Variants in CD81 observed in about 807,000 individuals in gnomAD.
CD81 encodes CD81 molecule, also known as CD81 antigen.
A neutral mutation model predicts 30.1 loss-of-function variants in CD81; 10 were observed. The observed-to-expected ratio is 0.33, with a 90% CI of 0.21 to 0.56. CD81 has a LOEUF of 0.56. Ranked by LOEUF, CD81 falls within the 20% of genes least tolerant of loss-of-function variation. The pLI is 0.89. For synonymous variants in CD81, 147 were observed against 126.4 expected, an observed-to-expected ratio of 1.16 and a Z score of -1.10; for missense variants, 263 against 308.7, an observed-to-expected ratio of 0.85 and a Z score of 1.11.
intron 4 of CD81, 143 bp downstream of exon 4, chr11:2,395,189 G>C: frequency 1.3e-6 from 1 of 768,498 alleles, no homozygotes; most frequent in East Asian, 2.7e-5. Context: ...AGGATCTCCA[G>C]GGGCTTTATG....
chr11:2,377,588 G>T lies in CD81; in HGVS notation c.39G>T (p.Leu13=), dbSNP rs1171346745. 3 of 1,541,848 alleles carry T rather than the reference G, an allele frequency of 1.9e-6. No homozygotes were observed. Among genetic ancestry groups the T allele is most frequent in the Non-Finnish European group, 1.8e-6 (2 of 1,142,074 alleles). The change falls in exon 1 of 8, where the codon CTG becomes CTT. Residue 13 remains leucine (L), a synonymous_variant. Transcript: ENST00000263645. The surrounding 1 kb of genome is among the most constrained non-coding windows in gnomAD (Gnocchi z 7.7). ...GCTGCACCAAGTGCATCAAGTACCT[G>T]CTCTTCGTCTTCAATTTCGTCTTCT... ...VEGCTKCIKY[L]LFVFNFVFWL... is the part of the protein sequence containing the mutation.
At chr11:2,382,511 C>T (rs1849722427) in intron 1 of CD81, 1 of 152,298 alleles carries the variant, frequency 6.6e-6, no homozygotes, top group South Asian at 2.1e-4. Context: ...TCCTCAGCCC[C>T]TCGGGCTCCC....
intron 1 of CD81, among the ~76,000 whole-genome samples, chr11:2,380,128 C>T (rs1307769579): frequency 1.3e-5 from 2 of 152,148 alleles, no homozygotes; most frequent in East Asian, 3.9e-4. Flanking sequence ...TGGGTGTTGG[C>T]CAGGGGTCCA....
rs1849625035 is a variant in CD81 at position 2,377,794 on chromosome 11, TG to T, written c.66+183del. On this transcript the variant is annotated intron_variant, in intron 1 of 7. Transcript: ENST00000263645. The surrounding 1 kb of genome is among the most constrained non-coding windows in gnomAD (Gnocchi z 7.7). ...CCGGGGCCACCGCGCCCCCCGACAT[TG>T]GGGCTGAGGGCTGCGAGCCGAGTTT... The T allele has an allele frequency of 3.4e-6, 1 of 293,798 alleles. No homozygotes were observed. The highest frequency in any genetic ancestry group is 6.4e-6 in the Non-Finnish European group (1 of 156,506). 18.2% of individuals were successfully genotyped at this position (293,798 alleles called of 1,614,324 possible).
chr11:2,386,541 T>C (rs1214772160), intron 1 of CD81: 2 of 716,914 alleles, frequency 2.8e-6, no homozygotes, highest in Non-Finnish European at 5.2e-6. Context: ...ATCACCACCA[T>C]TGTTGTCACC....
chr11:2,384,919 C>A (rs1011043315), intron 1 of CD81, among the ~76,000 whole-genome samples: 3 of 152,092 alleles, frequency 2.0e-5, no homozygotes, highest in Admixed American at 6.5e-5. Context: ...GCAGCCAGGG[C>A]CTTGGGCTGC....
intron 1 of CD81, among the ~76,000 whole-genome samples, chr11:2,383,308 C>T (rs1032168720): frequency 6.6e-6 from 1 of 152,090 alleles, no homozygotes; most frequent in African/African-American, 2.4e-5. Context: ...GAGGGCCCTA[C>T]GTCACCCAGG....
Position 2,394,111 on chromosome 11 carries a change from C to G in CD81, c.198C>G (p.Ile66Met). The G allele has an allele frequency of 6.2e-7, 1 of 1,613,026 alleles. No homozygotes were observed. Among genetic ancestry groups the G allele is most frequent in the Non-Finnish European group, 8.5e-7 (1 of 1,179,652 alleles). Residue 66 changes from isoleucine to methionine, a missense_variant, in exon 3 of 8, where the codon ATC (isoleucine) becomes ATG (methionine). Transcript: ENST00000263645. Reference sequence around the variant, plus strand: ...CCCCGCAAGGCATCTACATCCTCATCGCTGTGGGCGCTGTCATGATGTTCG... The same window carrying G: ...CCCCGCAAGGCATCTACATCCTCATGGCTGTGGGCGCTGTCATGATGTTCG... ...NTFYVGIYIL[I>M]AVGAVMMFVG...
Position 2,377,579 on chromosome 11 carries a change from C to G in CD81, c.30C>G (p.Ile10Met). The change falls in exon 1 of 8, where the codon ATC becomes ATG. Residue 10 changes from isoleucine (I) to methionine (M), a missense_variant. Ile to Met is a conservative substitution (Grantham distance 10). This residue lies in a region of CD81 where 84 missense variants were observed against 98.2 expected (regional missense o/e 0.86). Transcript: ENST00000263645. The surrounding 1 kb of genome is among the most constrained non-coding windows in gnomAD (Gnocchi z 7.7). MGVEGCTKCIKYLLFVFNFV... is the reference protein window; with the variant it reads MGVEGCTKCMKYLLFVFNFV... ...GAGTGGAGGGCTGCACCAAGTGCAT[C>G]AAGTACCTGCTCTTCGTCTTCAATT... 6.5e-7 allele frequency: 1 copy of G among 1,534,020 alleles called. No individual in the cohort carries two copies. The highest frequency in any genetic ancestry group is 1.2e-5 in the South Asian group (1 of 84,462).
rs1204303343 is a variant in CD81 at position 2,377,495 on chromosome 11, G to T, written c.-55G>T. ...CACCCGCCAGGCCCCGCGCCGGCCCGCCCGCCGCCCAGGACCGGCCCGCGC... is the reference window on the plus strand; with the variant it reads ...CACCCGCCAGGCCCCGCGCCGGCCCTCCCGCCGCCCAGGACCGGCCCGCGC... On this transcript the variant is annotated 5_prime_UTR_variant, in exon 1 of 8. Transcript: ENST00000263645. The surrounding 1 kb of genome is among the most constrained non-coding windows in gnomAD (Gnocchi z 7.7). 12 of 840,364 alleles carry T rather than the reference G, an allele frequency of 1.4e-5. No individual in the cohort carries two copies. Among genetic ancestry groups the T allele is most frequent in the Non-Finnish European group, 1.6e-5 (11 of 697,218 alleles). The allele number at this position is 840,364 out of a possible 1,614,324, so 52.1% of individuals were successfully genotyped here. A position where few individuals can be genotyped will look rare whatever the true frequency, so the allele number is the denominator to read the frequency against.
chr11:2,384,889 G>T (rs577700776), intron 1 of CD81, among the ~76,000 whole-genome samples: 1 of 152,134 alleles, frequency 6.6e-6, no homozygotes, highest in African/African-American at 2.4e-5. Flanking sequence ...GCCTGAGGTC[G>T]CCTTGGTGAA....
intron 4 of CD81, 77 bp from the exon 5 acceptor site, chr11:2,395,339 G>T: frequency 8.4e-7 from 1 of 1,196,096 alleles, no homozygotes. Flanking sequence ...GGAAAAGTGC[G>T]TCCGCCTGGG....
chr11:2,384,624 C>T (rs1232457246), intron 1 of CD81: 1 of 176,150 alleles, frequency 5.7e-6, no homozygotes, highest in Non-Finnish European at 1.3e-5. Context: ...TCAGAGGGCG[C>T]CTCCGGAGGC....
chr11:2,381,149 G>A (rs1367396662), intron 1 of CD81, among the ~76,000 whole-genome samples: 1 of 152,228 alleles, frequency 6.6e-6, no homozygotes, highest in African/African-American at 2.4e-5. Flanking sequence ...TGGCTGCACA[G>A]CTTTGGGGAA....
chr11:2,388,711 CA>C (rs1470877182), intron 1 of CD81, among the ~76,000 whole-genome samples: 1 of 150,498 alleles, frequency 6.6e-6, no homozygotes, highest in Non-Finnish European at 1.5e-5. Flanking sequence ...CATTCTCCGC[CA>C]GGGGGGTTGT....
rs1850004265 is a variant in CD81, at chr11:2,396,406, G to A, written c.562-222G>A. On this transcript the variant is annotated intron_variant, in intron 6 of 7. Transcript: ENST00000263645. ...TGATCTCAGTGGAAAAGGGCACAGTGTGTCCCAGGCATTTCGCGTTTATGT... is the reference window on the plus strand; with the variant it reads ...TGATCTCAGTGGAAAAGGGCACAGTATGTCCCAGGCATTTCGCGTTTATGT... The A allele has an allele frequency of 9.8e-6, 6 of 614,376 alleles. No individual in the cohort carries two copies. The South Asian group carries it at 1.1e-4, about 12-fold the overall frequency. The allele number at this position is 614,376 out of a possible 1,614,324, so 38.1% of individuals were successfully genotyped here.
At chr11:2,385,006 A>G (rs902139132) in intron 1 of CD81, among the ~76,000 whole-genome samples, 1 of 151,950 alleles carries the variant, frequency 6.6e-6, no homozygotes, top group African/African-American at 2.4e-5. Flanking sequence ...CCTAACTTTG[A>G]TGGATCCTAA....
upstream of CD81, chr11:2,377,155 A>G (rs1016646751): frequency 2.0e-5 from 3 of 151,940 alleles, no homozygotes; most frequent in African/African-American, 7.3e-5. The surrounding 1 kb of genome is among the most constrained non-coding windows in gnomAD (Gnocchi z 7.7). Context: ...AAACGCGCCA[A>G]GTTGGGGGTA....
chr11:2,387,057 C>A (rs1299028290), intron 1 of CD81, among the ~76,000 whole-genome samples: 1 of 152,266 alleles, frequency 6.6e-6, no homozygotes, highest in Non-Finnish European at 1.5e-5. Flanking sequence ...TTTGCCATCA[C>A]TACCTTTCTG....
Sources: gnomAD v4.1 joint callset for allele counts (sites outside exome capture counted in the v4.1 genomes callset) on GRCh38, gnomAD v4.1.1 for gene constraint, gnomAD v4.1.1 regional missense constraint, Gnocchi (gnomAD v3.1) non-coding constraint, MANE v1.5 for transcripts, NCBI Gene and HGNC (gene_info 2026-07-23, HGNC 2026-07-21) for gene names.